MRPL33: variants seen among roughly 807,000 people sequenced by gnomAD.
The protein encoded by MRPL33 is large ribosomal subunit protein bL33m.
A neutral mutation model predicts 10.1 loss-of-function variants in MRPL33; 5 were observed. That is an observed-to-expected ratio of 0.49 (90% confidence interval 0.26 to 1.04). The LOEUF (loss-of-function observed/expected upper bound fraction) is 1.04, where lower values mean the gene tolerates loss of function less well. Among genes scored for constraint, MRPL33 ranks in the 50% least tolerant of loss-of-function variants. The probability of loss-of-function intolerance (pLI) is 0.14; values close to 1 mark genes in which losing one functional copy is unlikely to be tolerated. For synonymous variants in MRPL33, 24 were observed against 27.7 expected, an observed-to-expected ratio of 0.87 and a Z score of 0.42; for missense variants, 79 against 78.1, an observed-to-expected ratio of 1.01 and a Z score of -0.04.
chr2:27,777,748 G>A (rs1175358540), intron 3 of MRPL33, among the ~76,000 whole-genome samples: 2 of 152,082 alleles, frequency 1.3e-5, no homozygotes, highest in Admixed American at 1.3e-4. Flanking sequence ...ATGAATCAAA[G>A]AATTCTACTC....
chr2:27,778,828 A>G (rs1157848668), intron 3 of MRPL33, among the ~76,000 whole-genome samples: 1 of 152,244 alleles, frequency 6.6e-6, no homozygotes, highest in East Asian at 1.9e-4. Flanking sequence ...TGCTGGGATT[A>G]CAGGTGTGAG....
chr2:27,776,615 G>A (rs1677178637), intron 3 of MRPL33, among the ~76,000 whole-genome samples: 1 of 152,228 alleles, frequency 6.6e-6, no homozygotes, highest in African/African-American at 2.4e-5. Flanking sequence ...AAAGGCTGAG[G>A]CATGAGCTTA....
At chr2:27,772,920 C>T (rs923602098) in intron 2 of MRPL33, 11 of 494,534 alleles carry the variant, frequency 2.2e-5, no homozygotes, top group Admixed American at 3.9e-5. Flanking sequence ...CTTGAAGGAA[C>T]CTTTGCTGCT....
Position 27,771,760 on chromosome 2 carries a change from T to C in MRPL33, c.-18T>C, listed in dbSNP as rs1236645801. Reference sequence around the variant, plus strand: ...GGGCCTTTTGGCCGGTGACGGAGACTGCCCAGGTGTGGTCACCATGTTCCT... The same window carrying C: ...GGGCCTTTTGGCCGGTGACGGAGACCGCCCAGGTGTGGTCACCATGTTCCT... On this transcript the variant is annotated 5_prime_UTR_variant, in exon 1 of 4. Coordinates refer to ENST00000296102, the MANE Select transcript of MRPL33 (RefSeq NM_004891.4). 11 of 1,614,034 alleles carry C rather than the reference T, an allele frequency of 6.8e-6. No homozygotes were observed. The highest frequency in any genetic ancestry group is 6.7e-5 in the East Asian group (3 of 44,888).
At chr2:27,775,742 G>C (rs764959326) in intron 3 of MRPL33, among the ~76,000 whole-genome samples, 1 of 152,174 alleles carries the variant, frequency 6.6e-6, no homozygotes, top group Non-Finnish European at 1.5e-5. Flanking sequence ...AAAGTTTCTT[G>C]TGTTCCATCC....
intron 3 of MRPL33, among the ~76,000 whole-genome samples, chr2:27,775,542 G>C (rs1435530589): frequency 2.0e-5 from 3 of 151,752 alleles, no homozygotes; most frequent in Non-Finnish European, 2.9e-5. Context: ...AGTAGAGATA[G>C]GGTTTCACCA....
chr2:27,773,200 G>C (rs1295738762), intron 2 of MRPL33, among the ~76,000 whole-genome samples: 2 of 152,168 alleles, frequency 1.3e-5, no homozygotes, highest in Admixed American at 6.5e-5. Context: ...AGAGAGACTA[G>C]AACTACCAAA....
chr2:27,771,749 G>A lies in MRPL33; in HGVS notation c.-29G>A, dbSNP rs1208394863. On this transcript the variant is annotated 5_prime_UTR_variant, in exon 1 of 4. In the 5' UTR this introduces an upstream ATG that the reference lacks. Transcript: ENST00000296102. ...TTGTTGGTTGGGGGCCTTTTGGCCG[G>A]TGACGGAGACTGCCCAGGTGTGGTC... 1.2e-6 allele frequency: 2 copies of A among 1,613,986 alleles called. No individual in the cohort carries two copies. The highest frequency in any genetic ancestry group is 1.7e-6 in the Non-Finnish European group (2 of 1,179,980).
chr2:27,772,178 C>T (rs1022949458), intron 1 of MRPL33: 1 of 289,906 alleles, frequency 3.4e-6, no homozygotes, highest in East Asian at 6.4e-5. Context: ...AATGAATTGC[C>T]TGAGTAATGC....
At chr2:27,772,190 G>C in intron 1 of MRPL33, 1 of 275,446 alleles carries the variant, frequency 3.6e-6, no homozygotes, top group Non-Finnish European at 6.8e-6. Flanking sequence ...GAGTAATGCG[G>C]CAGGGCAGTT....
In MRPL33 at chr2:27,772,415, C is replaced by A. The variant is rs114302918; in HGVS notation, c.23-259C>A. On this transcript the variant is annotated intron_variant, in intron 1 of 3. Coordinates refer to ENST00000296102, the MANE Select transcript of MRPL33 (RefSeq NM_004891.4). ...TACTTTAGAAAGATTTAAAAGGTAG[C>A]CAGTCCAACAGTCATGAAATTATGC... is the stretch of plus-strand genomic sequence containing the variant. 1,267 of 397,880 alleles carry A rather than the reference C, an allele frequency of 3.2e-3. 17 individuals are homozygous for A. Among genetic ancestry groups the A allele is most frequent in the African/African-American group, 0.022 (1,066 of 48,036 alleles). 24.6% of individuals were successfully genotyped at this position (397,880 alleles called of 1,614,324 possible). A position where few individuals can be genotyped will look rare whatever the true frequency, so the allele number is the denominator to read the frequency against.
chr2:27,772,192 A>C, intron 1 of MRPL33: 1 of 272,760 alleles, frequency 3.7e-6, no homozygotes, highest in East Asian at 7.1e-5. Flanking sequence ...GTAATGCGGC[A>C]GGGCAGTTAA....
At chr2:27,775,687 G>C (rs571980485) in intron 3 of MRPL33, among the ~76,000 whole-genome samples, 3 of 152,248 alleles carry the variant, frequency 2.0e-5, no homozygotes, top group South Asian at 4.1e-4. Context: ...ATAATAACAT[G>C]AGCAGACATT....
chr2:27,777,088 C>T (rs951428943), intron 3 of MRPL33, among the ~76,000 whole-genome samples: 9 of 152,204 alleles, frequency 5.9e-5, no homozygotes, highest in African/African-American at 2.2e-4. Context: ...CTGTGTTGTG[C>T]AGACTGGTCT....
chr2:27,775,493 AG>A (rs1677131686), intron 3 of MRPL33, among the ~76,000 whole-genome samples: 1 of 151,822 alleles, frequency 6.6e-6, no homozygotes, highest in Non-Finnish European at 1.5e-5. Flanking sequence ...CTGGGACTAC[AG>A]GTGTGTGCCA....
chr2:27,773,761 G>C (rs1034406017), intron 2 of MRPL33, among the ~76,000 whole-genome samples: 1 of 152,230 alleles, frequency 6.6e-6, no homozygotes, highest in Non-Finnish European at 1.5e-5. Context: ...AAGCAATGCA[G>C]TGGTGTGTAA....
chr2:27,774,441 T>C lies in MRPL33; in HGVS notation c.59T>C (p.Met20Thr), dbSNP rs777106721. Residue 20 changes from methionine to threonine, a missense_variant, in exon 3 of 4, where the codon ATG (methionine) becomes ACG (threonine). Coordinates refer to ENST00000296102, the MANE Select transcript of MRPL33 (RefSeq NM_004891.4). ...AATCTTAGAAACATTCTGGTGAGAA[T>C]GGTGAGCGAAGCTGGGACAGGTTTC... Reference protein sequence around the residue: ...KSKSKNILVRMVSEAGTGFCF... With the variant: ...KSKSKNILVRTVSEAGTGFCF... The C allele has an allele frequency of 1.9e-6, 3 of 1,614,074 alleles. No individual in the cohort carries two copies. Among genetic ancestry groups the C allele is most frequent in the South Asian group, 1.1e-5 (1 of 91,080 alleles).
chr2:27,776,264 C>G (rs1677147173), intron 3 of MRPL33, among the ~76,000 whole-genome samples: 1 of 152,266 alleles, frequency 6.6e-6, no homozygotes, highest in Non-Finnish European at 1.5e-5. Flanking sequence ...AGAGAATGTT[C>G]TGGGATAGCA....
Position 27,779,558 on chromosome 2 carries a change from G to A in MRPL33, c.*76G>A, listed in dbSNP as rs373833522. 17 of 1,595,840 alleles carry A rather than the reference G, an allele frequency of 1.1e-5. No individual in the cohort carries two copies. Among genetic ancestry groups the A allele is most frequent in the East Asian group, 2.2e-5 (1 of 44,738 alleles). ...GATACTGATTCAGAAATCCTGTAGC[G>A]TGTAATAAAAGAAGAGGAAATGGCA... On this transcript the variant is annotated 3_prime_UTR_variant, in exon 4 of 4. Coordinates refer to ENST00000296102, the MANE Select transcript of MRPL33 (RefSeq NM_004891.4).
Sources: allele counts gnomAD v4.1 joint callset (sites outside exome capture counted in the v4.1 genomes callset), GRCh38; gene constraint gnomAD v4.1.1; transcripts MANE v1.5; gene names NCBI Gene and HGNC (gene_info 2026-07-23, HGNC 2026-07-21).